Variants in SLC39A8 observed in about 807,000 individuals in gnomAD.
SLC39A8 encodes metal cation symporter ZIP8.
In SLC39A8, 15 loss-of-function variants were observed where a neutral mutation model predicts 40.4. The observed-to-expected ratio is 0.37, with a 90% confidence interval of 0.25 to 0.57. The LOEUF is 0.57. Among genes scored for constraint, SLC39A8 ranks in the 20% least tolerant of loss-of-function variants. SLC39A8 has a pLI of 0.75. For synonymous variants in SLC39A8, 223 were observed against 221.6 expected, an observed-to-expected ratio of 1.01 and a Z score of -0.06; for missense variants, 472 against 558.8, an observed-to-expected ratio of 0.84 and a Z score of 1.57.
chr4:102,302,423 A>T (rs1392678740), intron 6 of SLC39A8, among the ~76,000 whole-genome samples: 1 of 152,078 alleles, frequency 6.6e-6, no homozygotes, highest in Non-Finnish European at 1.5e-5. Context: ...GAATTTAGAC[A>T]CATGGTATAA....
intron 6 of SLC39A8, among the ~76,000 whole-genome samples, chr4:102,270,589 T>C (rs1732307477): frequency 6.6e-6 from 1 of 152,192 alleles, no homozygotes; most frequent in African/African-American, 2.4e-5. Context: ...TTGTCTGAGT[T>C]TTACTCTAAA....
At chr4:102,333,399 G>C (rs1358095830) in intron 2 of SLC39A8, among the ~76,000 whole-genome samples, 5 of 152,120 alleles carry the variant, frequency 3.3e-5, no homozygotes, top group African/African-American at 2.4e-5. Flanking sequence ...ATTACACAAA[G>C]AGGATGTTGG....
At chr4:102,297,215 A>G (rs1733716413) in intron 6 of SLC39A8, among the ~76,000 whole-genome samples, 1 of 150,614 alleles carries the variant, frequency 6.6e-6, no homozygotes, top group South Asian at 2.1e-4. Flanking sequence ...GCTGGTTAAC[A>G]AATGGAAACA....
chr4:102,318,675 C>T (rs1042685932), intron 2 of SLC39A8, among the ~76,000 whole-genome samples: 2 of 152,160 alleles, frequency 1.3e-5, no homozygotes, highest in Non-Finnish European at 2.9e-5. Context: ...GAGGCTCAAA[C>T]ACCCTCACAA....
chr4:102,316,219 T>G (rs1369218280), intron 2 of SLC39A8, among the ~76,000 whole-genome samples: 1 of 152,166 alleles, frequency 6.6e-6, no homozygotes, highest in Non-Finnish European at 1.5e-5. Flanking sequence ...GGATATTTTG[T>G]GTGTGTCACT....
intron 8 of SLC39A8, among the ~76,000 whole-genome samples, chr4:102,266,188 C>A (rs1732087365): frequency 6.6e-6 from 1 of 152,032 alleles, no homozygotes; most frequent in Non-Finnish European, 1.5e-5. Flanking sequence ...ATGGAAAAGC[C>A]CCTTGAACTG....
chr4:102,295,347 T>A (rs150363864), intron 6 of SLC39A8, among the ~76,000 whole-genome samples: 19 of 152,058 alleles, frequency 1.2e-4, no homozygotes, highest in African/African-American at 4.3e-4. Flanking sequence ...ATGCTGACTA[T>A]TTAAATGTTT....
chr4:102,328,156 T>C (rs571583449), intron 2 of SLC39A8, among the ~76,000 whole-genome samples: 7 of 152,168 alleles, frequency 4.6e-5, no homozygotes, highest in Non-Finnish European at 1.0e-4. Context: ...AGGTTTTTTA[T>C]GTGTGTAATT....
intron 6 of SLC39A8, among the ~76,000 whole-genome samples, chr4:102,288,406 C>G (rs1733280213): frequency 6.6e-6 from 1 of 152,102 alleles, no homozygotes; most frequent in Non-Finnish European, 1.5e-5. Flanking sequence ...TAGGGCCTCT[C>G]TATTCCCTGA....
rs1478312299 is a variant in SLC39A8 at position 102,320,328 on chromosome 4, GTATATATGAGTATATATATATGAGAATA to G, written c.220-4526_220-4499del. 6.0e-3 allele frequency among the ~76,000 whole-genome samples: 529 copies of G among 87,494 alleles called. 5 individuals carry two copies. Among genetic ancestry groups the G allele is most frequent in the Non-Finnish European group, 9.3e-3 (423 of 45,508 alleles). The allele number at this position is 87,494 out of a possible 152,430, so 57.4% of individuals were successfully genotyped here. On this transcript the variant is annotated intron_variant, in intron 2 of 8. Transcript: ENST00000356736. The stretch of plus-strand genomic sequence containing the variant: ...TATATGAGTATATATATATGAGAAT[GTATATATGAGTATATATATATGAGAATA>G]TATATATGAGTATATATATATGAGA...
At chr4:102,258,766 T>A (rs1450250259), downstream of SLC39A8, among the ~76,000 whole-genome samples, 3 of 152,218 alleles carry the variant, frequency 2.0e-5, no homozygotes, top group Admixed American at 6.5e-5. Flanking sequence ...CTTTTGGGAT[T>A]CTTCAGAGGG....
In SLC39A8 at chr4:102,267,559, G is replaced by T. The variant is rs1199300798; in HGVS notation, c.1164C>A (p.Asn388Lys). 4.3e-6 allele frequency: 7 copies of T among 1,613,836 alleles called. No homozygotes were observed. The highest frequency in any genetic ancestry group is 3.3e-5 in the South Asian group (3 of 91,032). The change falls in exon 8 of 9, where the codon AAC becomes AAA. Residue 388 changes from asparagine to lysine, a missense_variant. Coordinates refer to ENST00000356736, the MANE Select transcript of SLC39A8 (RefSeq NM_001135146.2). ...VGLAFGILVG[N>K]NFAPNIIFAL... ...CAAATATAATATTTGGAGCGAAATT[G>T]TTGCCCACCAAAATGCCAAAAGCTA...
chr4:102,342,324 A>C (rs1225420245), intron 2 of SLC39A8, among the ~76,000 whole-genome samples: 1 of 152,150 alleles, frequency 6.6e-6, no homozygotes, highest in Non-Finnish European at 1.5e-5. Flanking sequence ...AACAGGGAGA[A>C]ACCTCATCTC....
At chr4:102,259,378 GC>G (rs1441725628), downstream of SLC39A8, 7 of 1,014,130 alleles carry the variant, frequency 6.9e-6, no homozygotes, top group Admixed American at 8.4e-5. Flanking sequence ...CACAGTCACT[GC>G]AGAAGGAATT....
At position 102,300,667 on chromosome 4, in the gene SLC39A8, A is replaced by G. The variant is rs113699607; in HGVS notation, c.840+3650T>C. On this transcript the variant is annotated intron_variant, in intron 6 of 8. Transcript: ENST00000356736. Reference sequence around the variant, plus strand: ...TTGGAAAAACTTTGTTGAAGCAGTGACAGCCGGGATTGTCAACAAAATTCT... The same window carrying G: ...TTGGAAAAACTTTGTTGAAGCAGTGGCAGCCGGGATTGTCAACAAAATTCT... 1.8e-3 allele frequency among the ~76,000 whole-genome samples: 269 copies of G among 152,146 alleles called. 2 individuals carry two copies. Among genetic ancestry groups the G allele is most frequent in the African/African-American group, 6.3e-3 (263 of 41,564 alleles).
chr4:102,323,373 C>A (rs1303445106), intron 2 of SLC39A8, among the ~76,000 whole-genome samples: 2 of 152,136 alleles, frequency 1.3e-5, no homozygotes, highest in African/African-American at 4.8e-5. Context: ...TAAAAATATG[C>A]ACAACATATC....
intron 2 of SLC39A8, among the ~76,000 whole-genome samples, chr4:102,318,773 G>T (rs1734769395): frequency 6.6e-6 from 1 of 152,166 alleles, no homozygotes; most frequent in Admixed American, 6.5e-5. Flanking sequence ...TATTCAGGAT[G>T]ATTGTACGGA....
chr4:102,309,436 T>G (rs561892608), intron 3 of SLC39A8, among the ~76,000 whole-genome samples: 171 of 152,048 alleles, frequency 1.1e-3, no homozygotes, highest in African/African-American at 4.1e-3. Flanking sequence ...CCCACTTCAT[T>G]CCCATTTATT....
At chr4:102,314,106 T>C (rs955419499) in intron 3 of SLC39A8, among the ~76,000 whole-genome samples, 14 of 152,160 alleles carry the variant, frequency 9.2e-5, no homozygotes, top group African/African-American at 2.7e-4. Context: ...GTCTTCTCCA[T>C]CCCGGGAAAT....
Sources: gnomAD v4.1 joint callset for allele counts (sites outside exome capture counted in the v4.1 genomes callset) on GRCh38, gnomAD v4.1.1 for gene constraint, MANE v1.5 for transcripts, NCBI Gene and HGNC (gene_info 2026-07-23, HGNC 2026-07-21) for gene names.